ZC3H4: variants seen among roughly 807,000 people sequenced by gnomAD.
ZC3H4 encodes the protein zinc finger CCCH domain-containing protein 4.
ZC3H4 carries 13 observed loss-of-function variants against 108.3 expected under a neutral mutation model. That is an observed-to-expected ratio of 0.12 (90% CI 0.08 to 0.19). ZC3H4 has a LOEUF of 0.19. Among genes scored for constraint, ZC3H4 ranks in the 10% least tolerant of loss-of-function variants. The pLI is 1.00. For missense variants in ZC3H4, 1,734 were observed against 1,838.8 expected (o/e 0.94, Z 1.04); for synonymous variants, 917 against 749.6 (o/e 1.22, Z -3.65).
chr19:47,101,961 G>T (rs1192936768), intron 2 of ZC3H4, among the ~76,000 whole-genome samples: 1 of 152,058 alleles, frequency 6.6e-6, no homozygotes, highest in Admixed American at 6.6e-5. Flanking sequence ...TTGAACCCAT[G>T]AGGTGGAGGT....
At chr19:47,093,897 C>T (rs1002120779) in intron 4 of ZC3H4, 73 bp downstream of exon 4, 5 of 1,356,372 alleles carry the variant, frequency 3.7e-6, no homozygotes, top group Non-Finnish European at 5.2e-6. Flanking sequence ...CAGAACACAG[C>T]AAGTGCTCAA....
At position 47,080,197 on chromosome 19, in the gene ZC3H4, G is replaced by A. The variant is rs182787568; in HGVS notation, c.1440+1316C>T. 2.9e-4 allele frequency among the ~76,000 whole-genome samples: 44 copies of A among 152,268 alleles called. No individual in the cohort carries two copies. The East Asian group carries it at 5.4e-3, about 19-fold the overall frequency. ...TTCATTTGAAAGGGCACCAGTTCCC[G>A]TACCCACTCACTCCCCAGATGAATC... is the stretch of plus-strand genomic sequence containing the variant. On this transcript the variant is annotated intron_variant, in intron 11 of 14. Transcript: ENST00000253048.
chr19:47,112,456 G>A lies in ZC3H4; in HGVS notation c.129C>T (p.Leu43=). The change falls in exon 2 of 15, where the codon CTC becomes CTT. Residue 43 remains leucine (L), a synonymous_variant. Transcript: ENST00000253048. ...SPDARPATPH[L]LHHRLPLPDD... ...CAGGGAGCGGGAGGCGGTGGTGGAG[G>A]AGGTGCGGGGTGGCCGGGCGGGCGT... 2 of 1,231,716 alleles carry A rather than the reference G, an allele frequency of 1.6e-6. No individual in the cohort carries two copies. The highest frequency in any genetic ancestry group is 2.0e-6 in the Non-Finnish European group (2 of 981,706). The allele number at this position is 1,231,716 out of a possible 1,614,324, so 76.3% of individuals were successfully genotyped here.
In ZC3H4 at chr19:47,094,018, A is replaced by G. The variant is rs777659656; in HGVS notation, c.444T>C (p.Ser148=). 2.6e-5 allele frequency: 42 copies of G among 1,614,102 alleles called. No homozygotes were observed. Among genetic ancestry groups the G allele is most frequent in the South Asian group, 1.1e-4 (10 of 91,070 alleles). Residue 148 remains serine, a synonymous_variant, in exon 4 of 15, where the codon AGT becomes AGC. Coordinates refer to ENST00000253048, the MANE Select transcript of ZC3H4 (RefSeq NM_015168.2). ...DFSDDSDFSP[S]EKGHRKYREY... Reference sequence around the variant, plus strand: ...CTCTGTACTTGCGGTGACCTTTCTCACTGGGGCTGAAATCCGAGTCATCTG... The same window carrying G: ...CTCTGTACTTGCGGTGACCTTTCTCGCTGGGGCTGAAATCCGAGTCATCTG...
chr19:47,092,623 C>T (rs534927773), intron 4 of ZC3H4, among the ~76,000 whole-genome samples: 1 of 151,848 alleles, frequency 6.6e-6, no homozygotes, highest in South Asian at 2.1e-4. Flanking sequence ...TCGAGGCCAG[C>T]CTGGCCAACA....
rs186320157 is a variant in ZC3H4, at chr19:47,109,499, G to A, written c.161+2925C>T. Among the ~76,000 whole-genome samples the A allele has an allele frequency of 4.1e-3, 620 of 152,292 alleles. 5 individuals carry two copies. The highest frequency in any genetic ancestry group is 0.017 in the Middle Eastern group (5 of 294). On this transcript the variant is annotated intron_variant, in intron 2 of 14. Transcript: ENST00000253048. Reference sequence around the variant, plus strand: ...GGAGAAAGAATTTTACAAAGGATGGGAAACTTCAAATAAGTGCAATTCATT... The same window carrying A: ...GGAGAAAGAATTTTACAAAGGATGGAAAACTTCAAATAAGTGCAATTCATT...
At chr19:47,084,998 A>G (rs1171416689) in intron 8 of ZC3H4, 58 bp downstream of exon 8, 5 of 1,593,258 alleles carry the variant, frequency 3.1e-6, no homozygotes, top group Non-Finnish European at 3.4e-6. Context: ...CATTAAAGGG[A>G]AAAAGGACTA....
At chr19:47,112,324 T>C in intron 2 of ZC3H4, 100 bp downstream of exon 2, 3 of 1,150,798 alleles carry the variant, frequency 2.6e-6, no homozygotes, top group Non-Finnish European at 3.3e-6. Flanking sequence ...CTCCTCCTCC[T>C]CCTCCTCCGC....
chr19:47,083,463 T>C (rs2057560535), intron 9 of ZC3H4, among the ~76,000 whole-genome samples: 1 of 152,066 alleles, frequency 6.6e-6, no homozygotes, highest in South Asian at 2.1e-4. Flanking sequence ...TAGCTCACAT[T>C]TGTAATCCCA....
At chr19:47,110,673 AT>A (rs1456143803) in intron 2 of ZC3H4, among the ~76,000 whole-genome samples, 1 of 152,216 alleles carries the variant, frequency 6.6e-6, no homozygotes, top group African/African-American at 2.4e-5. Flanking sequence ...CACTTCTGAC[AT>A]AAGAGAACTC....
In ZC3H4 at chr19:47,066,183, T is replaced by C; in HGVS notation, c.*173A>G. 1.8e-6 allele frequency: 1 copy of C among 550,222 alleles called. No individual in the cohort carries two copies. Among genetic ancestry groups the C allele is most frequent in the Non-Finnish European group, 3.0e-6 (1 of 331,226 alleles). 34.1% of individuals were successfully genotyped at this position (550,222 alleles called of 1,614,324 possible). A position where few individuals can be genotyped will look rare whatever the true frequency, so the allele number is the denominator to read the frequency against. On this transcript the variant is annotated 3_prime_UTR_variant, in exon 15 of 15. Coordinates refer to ENST00000253048, the MANE Select transcript of ZC3H4 (RefSeq NM_015168.2). ...AAGATGGTTATATACAATTTACAAA[T>C]CTCAAAGAAAGTACTACTTTAAAAA...
chr19:47,066,200 C>T lies in ZC3H4; in HGVS notation c.*156G>A. 2 of 611,556 alleles carry T rather than the reference C, an allele frequency of 3.3e-6. No homozygotes were observed. Among genetic ancestry groups the T allele is most frequent in the Non-Finnish European group, 5.2e-6 (2 of 382,102 alleles). The allele number at this position is 611,556 out of a possible 1,614,324, so 37.9% of individuals were successfully genotyped here. A position where few individuals can be genotyped will look rare whatever the true frequency, so the allele number is the denominator to read the frequency against. ...TTTACAAATCTCAAAGAAAGTACTA[C>T]TTTAAAAAAAAATAAAAGAGACGGA... On this transcript the variant is annotated 3_prime_UTR_variant, in exon 15 of 15. Coordinates refer to ENST00000253048, the MANE Select transcript of ZC3H4 (RefSeq NM_015168.2).
chr19:47,084,541 G>A (rs1056122765), intron 8 of ZC3H4, 86 bp from the exon 9 acceptor site: 6 of 1,296,908 alleles, frequency 4.6e-6, no homozygotes, highest in South Asian at 1.2e-5. Flanking sequence ...ACGGGAGAAG[G>A]GGATGAGGGG....
At chr19:47,089,204 CAAA>C (rs888647856) in intron 5 of ZC3H4, among the ~76,000 whole-genome samples, 2 of 26,850 alleles carry the variant, frequency 7.4e-5, no homozygotes, top group African/African-American at 1.3e-4. Context: ...GACTCCGTCT[CAAA>C]AAAAAAAAAA....
intron 5 of ZC3H4, 135 bp from the exon 6 acceptor site, chr19:47,086,673 A>G: frequency 7.1e-7 from 1 of 1,416,646 alleles, no homozygotes; most frequent in Non-Finnish European, 9.2e-7. Flanking sequence ...TCCTCCTCCA[A>G]GAAGCCTTCC....
intron 2 of ZC3H4, among the ~76,000 whole-genome samples, chr19:47,104,796 C>T (rs1385221488): frequency 6.6e-6 from 1 of 152,168 alleles, no homozygotes; most frequent in African/African-American, 2.4e-5. Flanking sequence ...GAAACCTAAG[C>T]CCTGGTGTCT....
rs754874896 is a variant in ZC3H4, at chr19:47,069,288, A to G, written c.2202T>C (p.Pro734=). Residue 734 remains proline (P), a synonymous_variant, in exon 14 of 15, where the codon CCT becomes CCC. Coordinates refer to ENST00000253048, the MANE Select transcript of ZC3H4 (RefSeq NM_015168.2). The part of the protein sequence containing the change: ...LPGEPGEHLF[P]EHPLEPDSFS... ...AGCTGTCGGGCTCCAGAGGGTGCTC[A>G]GGGAAGAGGTGCTCCCCAGGCTCCC... 2 of 1,613,892 alleles carry G rather than the reference A, an allele frequency of 1.2e-6. No homozygotes were observed. The highest frequency in any genetic ancestry group is 2.2e-5 in the South Asian group (2 of 91,058).
chr19:47,071,883 G>A lies in ZC3H4; in HGVS notation c.2041C>T (p.His681Tyr), dbSNP rs1484383524. The A allele has an allele frequency of 1.2e-6, 2 of 1,613,146 alleles. No homozygotes were observed. The highest frequency in any genetic ancestry group is 2.2e-5 in the East Asian group (1 of 44,876). The stretch of plus-strand genomic sequence containing the variant: ...GGGATAGGGGGCATCATTCCAGAAT[G>A]TGGGGAGTCTCCAGGGCCGTAGGGC... ...MMPYGPGDSP[H>Y]SGMMPPIPPA... Residue 681 changes from histidine to tyrosine, a missense_variant, in exon 13 of 15, where the codon CAT becomes TAT. Physicochemically the swap from His to Tyr is moderately conservative, Grantham distance 83 (BLOSUM62 2). Coordinates refer to ENST00000253048, the MANE Select transcript of ZC3H4 (RefSeq NM_015168.2).
chr19:47,112,984 G>A (rs2058060447), intron 1 of ZC3H4, among the ~76,000 whole-genome samples: 1 of 152,134 alleles, frequency 6.6e-6, no homozygotes, highest in African/African-American at 2.4e-5. Flanking sequence ...GGGGGTGGGG[G>A]GTTAAAAAGA....
Sources: allele counts gnomAD v4.1 joint callset (sites outside exome capture counted in the v4.1 genomes callset), GRCh38; gene constraint gnomAD v4.1.1; transcripts MANE v1.5; gene names NCBI Gene and HGNC (gene_info 2026-07-23, HGNC 2026-07-21).